The following TMCC1 variants were observed in gnomAD, a reference collection of about 807,000 sequenced individuals.
The protein encoded by TMCC1 is transmembrane and coiled-coil domain family 1.
In TMCC1, 15 loss-of-function variants were observed where a neutral mutation model predicts 52.4. The observed-to-expected ratio is 0.29, with a 90% CI of 0.19 to 0.44. TMCC1 has a LOEUF of 0.44. TMCC1 is among the 20% of genes least tolerant of loss of function. The pLI is 1.00. For missense variants in TMCC1, 503 were observed against 806.0 expected, an observed-to-expected ratio of 0.62 and a Z score of 4.55; for synonymous variants, 279 against 301.9, an observed-to-expected ratio of 0.92 and a Z score of 0.79.
At chr3:129,733,949 C>T (rs1048255811) in intron 4 of TMCC1, among the ~76,000 whole-genome samples, 2 of 152,132 alleles carry the variant, frequency 1.3e-5, no homozygotes, top group Non-Finnish European at 2.9e-5. Flanking sequence ...CTTTCACACA[C>T]TACTGATAGG....
intron 4 of TMCC1, among the ~76,000 whole-genome samples, chr3:129,714,022 G>C (rs1382705938): frequency 6.6e-6 from 1 of 151,916 alleles, no homozygotes; most frequent in Non-Finnish European, 1.5e-5. Flanking sequence ...CCTGTTTCTA[G>C]GGAAAAAAAA....
At chr3:129,692,875 C>T (rs1356569490) in intron 4 of TMCC1, among the ~76,000 whole-genome samples, 1 of 152,108 alleles carries the variant, frequency 6.6e-6, no homozygotes, top group Non-Finnish European at 1.5e-5. Flanking sequence ...TGGGGTCTTG[C>T]TCTGTTGCCC....
At chr3:129,662,665 T>C (rs1576355533) in intron 5 of TMCC1, among the ~76,000 whole-genome samples, 1 of 152,210 alleles carries the variant, frequency 6.6e-6, no homozygotes, top group East Asian at 1.9e-4. Context: ...AAAACAGCAT[T>C]ATAAACTTAT....
At chr3:129,865,431 G>C (rs1489283056) in intron 2 of TMCC1, among the ~76,000 whole-genome samples, 1 of 151,908 alleles carries the variant, frequency 6.6e-6, no homozygotes, top group African/African-American at 2.4e-5. Context: ...GATTACAGGC[G>C]TGAGCCACCA....
At chr3:129,820,168 T>C (rs980618245) in intron 4 of TMCC1, among the ~76,000 whole-genome samples, 1 of 150,352 alleles carries the variant, frequency 6.7e-6, no homozygotes, top group South Asian at 2.1e-4. Flanking sequence ...GCATGACTTC[T>C]AGAGCTAAAA....
chr3:129,733,599 A>AATG (rs2050714300), intron 4 of TMCC1, among the ~76,000 whole-genome samples: 1 of 152,200 alleles, frequency 6.6e-6, no homozygotes, highest in East Asian at 1.9e-4. Context: ...ACGAGGAAAA[A>AATG]TTTGGAAAGT....
chr3:129,841,414 C>T (rs2059418052), intron 2 of TMCC1, among the ~76,000 whole-genome samples: 1 of 152,138 alleles, frequency 6.6e-6, no homozygotes, highest in African/African-American at 2.4e-5. Flanking sequence ...TGGTGAAACT[C>T]CGTTTCCACT....
intron 4 of TMCC1, among the ~76,000 whole-genome samples, chr3:129,690,501 C>T (rs1460261326): frequency 2.6e-5 from 4 of 152,180 alleles, no homozygotes; most frequent in Non-Finnish European, 5.9e-5. Context: ...TCCAGTGCTG[C>T]TTCTCTTTCT....
chr3:129,794,825 C>T (rs1198410157), intron 4 of TMCC1, among the ~76,000 whole-genome samples: 1 of 152,166 alleles, frequency 6.6e-6, no homozygotes, highest in Non-Finnish European at 1.5e-5. Context: ...TTCCTCCCCT[C>T]TTCAGCCGTC....
chr3:129,814,083 C>T (rs1276078044), intron 4 of TMCC1, among the ~76,000 whole-genome samples: 1 of 151,484 alleles, frequency 6.6e-6, no homozygotes, highest in Non-Finnish European at 1.5e-5. Flanking sequence ...GAGTTATAGG[C>T]TTGCATTTCC....
At chr3:129,674,372 A>G (rs935273770) in intron 4 of TMCC1, among the ~76,000 whole-genome samples, 1 of 152,170 alleles carries the variant, frequency 6.6e-6, no homozygotes, top group Admixed American at 6.5e-5. Context: ...TCAGCCTCTA[A>G]AAAAACTAAC....
At chr3:129,825,374 A>G (rs1187165917) in intron 4 of TMCC1, among the ~76,000 whole-genome samples, 1 of 152,200 alleles carries the variant, frequency 6.6e-6, no homozygotes, top group African/African-American at 2.4e-5. Context: ...AGCTTCCCTC[A>G]TTGCAGCCTA....
intron 2 of TMCC1, among the ~76,000 whole-genome samples, chr3:129,850,811 G>C (rs2059883468): frequency 6.6e-6 from 1 of 152,206 alleles, no homozygotes; most frequent in Non-Finnish European, 1.5e-5. Flanking sequence ...CTAACTAAAA[G>C]TATCCCTTAT....
At chr3:129,833,040 A>C (rs1339359588) in intron 2 of TMCC1, among the ~76,000 whole-genome samples, 1 of 152,166 alleles carries the variant, frequency 6.6e-6, no homozygotes, top group Non-Finnish European at 1.5e-5. Flanking sequence ...TCAAGAAAGA[A>C]AGTATTCTGG....
intron 4 of TMCC1, among the ~76,000 whole-genome samples, chr3:129,681,183 C>T (rs1221417194): frequency 2.0e-5 from 3 of 151,902 alleles, no homozygotes; most frequent in African/African-American, 7.3e-5. Flanking sequence ...AAAGAAATAC[C>T]TGGTTTGAGA....
intron 4 of TMCC1, among the ~76,000 whole-genome samples, chr3:129,769,058 G>T (rs2054340236): frequency 6.6e-6 from 1 of 152,208 alleles, no homozygotes; most frequent in African/African-American, 2.4e-5. Context: ...CCAGGAGAAG[G>T]TAAGGGAGTA....
chr3:129,798,001 CT>C (rs1164349474), intron 4 of TMCC1, among the ~76,000 whole-genome samples: 4 of 88,628 alleles, frequency 4.5e-5, no homozygotes, highest in East Asian at 3.5e-4. Context: ...TTTTTTTTTT[CT>C]TTTTTTTTTT....
intron 1 of TMCC1, among the ~76,000 whole-genome samples, chr3:129,891,431 C>T (rs1230159778): frequency 2.0e-5 from 3 of 152,086 alleles, no homozygotes; most frequent in African/African-American, 7.2e-5. Context: ...TTTCAGTGTC[C>T]CAAGTTTAAC....
chr3:129,823,734 G>C (rs564453476), intron 4 of TMCC1, among the ~76,000 whole-genome samples: 14 of 152,296 alleles, frequency 9.2e-5, no homozygotes, highest in African/African-American at 3.4e-4. Flanking sequence ...CTCTTTGGAA[G>C]CAAGACCTTA....
Sources: gnomAD v4.1 joint callset for allele counts (sites outside exome capture counted in the v4.1 genomes callset) on GRCh38, gnomAD v4.1.1 for gene constraint, MANE v1.5 for transcripts, NCBI Gene and HGNC (gene_info 2026-07-23, HGNC 2026-07-21) for gene names.